Variants in TRAPPC9 observed in about 807,000 individuals in gnomAD.
The protein encoded by TRAPPC9 is trafficking protein particle complex subunit 9.
A neutral mutation model predicts 124.0 loss-of-function variants in TRAPPC9; 83 were observed. The observed-to-expected ratio is 0.67, with a 90% CI of 0.56 to 0.80. The LOEUF (loss-of-function observed/expected upper bound fraction) is 0.80. TRAPPC9 is among the 30% of genes least tolerant of loss of function. The pLI is 0.00. For synonymous variants in TRAPPC9, 638 were observed against 617.5 expected, an observed-to-expected ratio of 1.03 and a Z score of -0.49; for missense variants, 1,302 against 1,508.3, an observed-to-expected ratio of 0.86 and a Z score of 2.27.
In TRAPPC9 at chr8:140,450,757, A is replaced by G. The variant is rs1259459861; in HGVS notation, c.584+33T>C. The stretch of plus-strand genomic sequence containing the variant: ...GTGCTTTCCCTTTCTGATGCAGGGA[A>G]GCCAAGGGGCCTGGGTCTCTAGGTA... On this transcript the variant is annotated intron_variant, in intron 2 of 22. Transcript: ENST00000438773. The G allele has an allele frequency of 6.5e-6, 10 of 1,537,874 alleles. No individual in the cohort carries two copies. In the South Asian group the frequency reaches 1.2e-4, roughly 18 times the overall value.
At chr8:140,006,995 T>C (rs1478642751) in intron 18 of TRAPPC9, among the ~76,000 whole-genome samples, 5 of 152,182 alleles carry the variant, frequency 3.3e-5, no homozygotes, top group Non-Finnish European at 7.4e-5. Context: ...TATATTTCAA[T>C]AAAGCTGTTT....
chr8:139,914,601 C>T (rs1273725445), intron 19 of TRAPPC9, among the ~76,000 whole-genome samples: 1 of 152,188 alleles, frequency 6.6e-6, no homozygotes, highest in Non-Finnish European at 1.5e-5. Flanking sequence ...GCAGTCAGTG[C>T]CACCCGCACC....
intron 9 of TRAPPC9, among the ~76,000 whole-genome samples, chr8:140,315,344 T>C (rs1190540104): frequency 6.6e-6 from 1 of 151,554 alleles, no homozygotes; most frequent in African/African-American, 2.4e-5. Context: ...GACACACTGA[T>C]GCAAGACCAG....
chr8:139,911,088 T>A (rs1252790665), intron 19 of TRAPPC9: 1 of 152,100 alleles, frequency 6.6e-6, no homozygotes. Context: ...TGAGTTGTAC[T>A]CCCGCAATTC....
At chr8:140,139,834 G>A (rs2061357058) in intron 17 of TRAPPC9, among the ~76,000 whole-genome samples, 1 of 151,992 alleles carries the variant, frequency 6.6e-6, no homozygotes, top group Non-Finnish European at 1.5e-5. Context: ...TCTGAGAGGT[G>A]GTTATCTAAC....
chr8:140,218,573 A>T (rs2063259407), intron 17 of TRAPPC9, among the ~76,000 whole-genome samples: 1 of 151,922 alleles, frequency 6.6e-6, no homozygotes, highest in South Asian at 2.1e-4. Context: ...AGAGACAAGC[A>T]GAAGACTGTC....
At chr8:140,328,331 A>C (rs1787522981) in intron 9 of TRAPPC9, among the ~76,000 whole-genome samples, 1 of 152,182 alleles carries the variant, frequency 6.6e-6, no homozygotes, top group African/African-American at 2.4e-5. Flanking sequence ...GCTCAAAAAA[A>C]GGAAAATACT....
intron 21 of TRAPPC9, among the ~76,000 whole-genome samples, chr8:139,810,952 T>C (rs556508690): frequency 3.3e-4 from 50 of 152,344 alleles, no homozygotes; most frequent in Non-Finnish European, 5.9e-4. Context: ...ACTTCCCATC[T>C]ACTTTAGGGC....
intron 17 of TRAPPC9, among the ~76,000 whole-genome samples, chr8:140,124,407 G>A (rs2061044543): frequency 6.6e-6 from 1 of 152,158 alleles, no homozygotes; most frequent in Non-Finnish European, 1.5e-5. Flanking sequence ...GAAGGACCCT[G>A]GTGATGACAC....
At chr8:139,953,715 C>G (rs1834806979) in intron 19 of TRAPPC9, among the ~76,000 whole-genome samples, 1 of 152,132 alleles carries the variant, frequency 6.6e-6, no homozygotes. Context: ...AGTGACAAAA[C>G]AAACAGCCCA....
chr8:140,113,132 G>C (rs932165572), intron 17 of TRAPPC9, among the ~76,000 whole-genome samples: 2 of 152,248 alleles, frequency 1.3e-5, no homozygotes, highest in Non-Finnish European at 2.9e-5. Context: ...GTGGGGAGCA[G>C]AGAGATTGGT....
intron 5 of TRAPPC9, among the ~76,000 whole-genome samples, chr8:140,421,423 G>A (rs575991602): frequency 7.2e-5 from 11 of 152,090 alleles, no homozygotes; most frequent in African/African-American, 1.4e-4. Flanking sequence ...ACCATAATAC[G>A]TCTAAGACAT....
intron 17 of TRAPPC9, among the ~76,000 whole-genome samples, chr8:140,115,347 A>G (rs2060859530): frequency 6.6e-6 from 1 of 151,422 alleles, no homozygotes; most frequent in Non-Finnish European, 1.5e-5. Context: ...GGCTCACTGC[A>G]ACCTCTGCCT....
intron 19 of TRAPPC9, among the ~76,000 whole-genome samples, chr8:139,959,100 C>T (rs1430025120): frequency 6.6e-6 from 1 of 152,192 alleles, no homozygotes; most frequent in Admixed American, 6.5e-5. Flanking sequence ...CGGGGGAGCC[C>T]TGCATTCCGA....
At chr8:140,011,223 T>A (rs1315069989) in intron 18 of TRAPPC9, among the ~76,000 whole-genome samples, 2 of 151,822 alleles carry the variant, frequency 1.3e-5, no homozygotes, top group Non-Finnish European at 2.9e-5. Context: ...GCGCCTGTAA[T>A]CCCAGCTACA....
chr8:140,141,987 C>T (rs2061388262), intron 17 of TRAPPC9, among the ~76,000 whole-genome samples: 1 of 152,202 alleles, frequency 6.6e-6, no homozygotes, highest in African/African-American at 2.4e-5. Context: ...GGGAACAAAG[C>T]ACAGGGCTGA....
intron 15 of TRAPPC9, among the ~76,000 whole-genome samples, chr8:140,273,555 A>G (rs1247062934): frequency 1.3e-5 from 2 of 152,142 alleles, no homozygotes; most frequent in Admixed American, 6.5e-5. Context: ...GTGAGCTCCA[A>G]TGCCTCCTTC....
intron 9 of TRAPPC9, among the ~76,000 whole-genome samples, chr8:140,320,057 C>T (rs150493233): frequency 1.7e-4 from 26 of 152,082 alleles, no homozygotes; most frequent in African/African-American, 5.8e-4. Context: ...AAGGAAAAAC[C>T]TAAGGAAGAA....
chr8:140,311,141 C>G, intron 10 of TRAPPC9, 107 bp downstream of exon 10: 2 of 1,404,064 alleles, frequency 1.4e-6, no homozygotes, highest in South Asian at 2.4e-5. Flanking sequence ...ACCCGATACA[C>G]AGCCAACAAA....
Sources: allele counts gnomAD v4.1 joint callset (sites outside exome capture counted in the v4.1 genomes callset), GRCh38; gene constraint gnomAD v4.1.1; transcripts MANE v1.5; gene names NCBI Gene and HGNC (gene_info 2026-07-23, HGNC 2026-07-21).